Variants in MMP2 observed in about 807,000 individuals in gnomAD.
MMP2 encodes matrix metallopeptidase 2.
Under a neutral mutation model 74.8 loss-of-function variants are expected in MMP2, and 39 were observed. That is an observed-to-expected ratio of 0.52 (90% confidence interval 0.40 to 0.68). MMP2 has a LOEUF of 0.68. Among genes scored for constraint, MMP2 ranks in the 30% least tolerant of loss-of-function variants. MMP2 has a pLI of 0.00. For synonymous variants in MMP2, 367 were observed against 339.8 expected, an observed-to-expected ratio of 1.08 and a Z score of -0.88; for missense variants, 803 against 878.3, an observed-to-expected ratio of 0.91 and a Z score of 1.08.
chr16:55,496,708 G>A (rs1962535957), intron 9 of MMP2, among the ~76,000 whole-genome samples: 1 of 152,152 alleles, frequency 6.6e-6, no homozygotes, highest in Non-Finnish European at 1.5e-5. Context: ...GAGGTAGAGG[G>A]AGAGAACAGG....
intron 3 of MMP2, among the ~76,000 whole-genome samples, chr16:55,484,983 G>A (rs1962204909): frequency 6.6e-6 from 1 of 152,084 alleles, no homozygotes; most frequent in Non-Finnish European, 1.5e-5. Context: ...TGATGAAGAT[G>A]GGGTGAGGAC....
Position 55,489,531 on chromosome 16 carries a change from C to G in MMP2, c.1007-120C>G, listed in dbSNP as rs945811170. 1.9e-5 allele frequency: 23 copies of G among 1,232,498 alleles called. No individual in the cohort carries two copies. The African/African-American group carries it at 3.1e-4, about 17-fold the overall frequency. The allele number at this position is 1,232,498 out of a possible 1,614,324, so 76.3% of individuals were successfully genotyped here. On this transcript the variant is annotated intron_variant, in intron 6 of 12. Transcript: ENST00000219070. ...GGTGGGTGAGATGAGTCTAAAGATA[C>G]AGTGCCTGGGACTGAGTCTAACTTA... is the stretch of plus-strand genomic sequence containing the variant.
intron 1 of MMP2, chr16:55,481,525 C>A: frequency 3.6e-6 from 1 of 274,406 alleles, no homozygotes; most frequent in South Asian, 1.1e-4. Context: ...GAAATCAGTC[C>A]TACCAACCTC....
chr16:55,481,084 G>T (rs1962087192), intron 1 of MMP2, among the ~76,000 whole-genome samples: 1 of 152,170 alleles, frequency 6.6e-6, no homozygotes, highest in Admixed American at 6.5e-5. Flanking sequence ...AGCCAACAGA[G>T]TAAAGTGAAA....
intron 11 of MMP2, among the ~76,000 whole-genome samples, chr16:55,500,892 C>A (rs1196793660): frequency 6.6e-6 from 1 of 152,234 alleles, no homozygotes; most frequent in African/African-American, 2.4e-5. Context: ...CCAAGAAGAG[C>A]TCAGGCCCTG....
chr16:55,488,710 G>A lies in MMP2; in HGVS notation c.1000G>A (p.Glu334Lys). 1 of 1,597,786 alleles carries A rather than the reference G, an allele frequency of 6.3e-7. No individual in the cohort carries two copies. Among genetic ancestry groups the A allele is most frequent in the Non-Finnish European group, 8.5e-7 (1 of 1,173,364 alleles). The change falls in exon 6 of 13, where the codon GAG becomes AAG. Residue 334 changes from glutamate to lysine, a missense_variant. This residue lies in a region of MMP2 where 555 missense variants were observed against 592.0 expected (regional missense o/e 0.94). Coordinates refer to ENST00000219070, the MANE Select transcript of MMP2 (RefSeq NM_004530.6). ...CGACAAGAAGTATGGCTTCTGCCCT[G>A]AGACCGGTGGGTGCCACTCCCTCTC... The part of the protein sequence containing the change: ...DRDKKYGFCP[E>K]TAMSTVGGNS...
In MMP2 at chr16:55,506,411, C is replaced by G. The variant is rs1490484651; in HGVS notation, c.*969C>G. 5 of 152,196 alleles carry G rather than the reference C, an allele frequency of 3.3e-5. No individual in the cohort carries two copies. Among genetic ancestry groups the G allele is most frequent in the Non-Finnish European group, 5.9e-5 (4 of 68,032 alleles). The allele number at this position is 152,196 out of a possible 1,614,324, so 9.4% of individuals were successfully genotyped here. ...AAGAGAACCTCAGGGAGAGTAAGCT[C>G]TAGTCCCTCTGTCCTGTAGAAAGAG... On this transcript the variant is annotated 3_prime_UTR_variant, in exon 13 of 13. Coordinates refer to ENST00000219070, the MANE Select transcript of MMP2 (RefSeq NM_004530.6).
chr16:55,480,264 A>G (rs1376950623), intron 1 of MMP2, among the ~76,000 whole-genome samples: 2 of 152,144 alleles, frequency 1.3e-5, no homozygotes, highest in Non-Finnish European at 2.9e-5. Flanking sequence ...CCATTTGGGA[A>G]GTGATTGGGG....
chr16:55,492,390 A>G (rs1489079897), intron 8 of MMP2, among the ~76,000 whole-genome samples: 4 of 152,196 alleles, frequency 2.6e-5, no homozygotes, highest in Admixed American at 2.6e-4. Flanking sequence ...GATTTTTAGT[A>G]TGTAGTAGAA....
At chr16:55,495,213 C>T (rs979845874) in intron 9 of MMP2, among the ~76,000 whole-genome samples, 2 of 152,154 alleles carry the variant, frequency 1.3e-5, no homozygotes, top group African/African-American at 4.8e-5. Flanking sequence ...TCTGCAGTTC[C>T]CATTGTAAGG....
At chr16:55,483,452 A>G (rs1173021156) in intron 2 of MMP2, among the ~76,000 whole-genome samples, 2 of 151,834 alleles carry the variant, frequency 1.3e-5, no homozygotes, top group Non-Finnish European at 2.9e-5. Flanking sequence ...AACGGCTTCT[A>G]TGATTTTTGA....
intron 9 of MMP2, among the ~76,000 whole-genome samples, chr16:55,494,736 T>C (rs1203813696): frequency 6.6e-6 from 1 of 152,200 alleles, no homozygotes; most frequent in Non-Finnish European, 1.5e-5. Flanking sequence ...GTTTGAGAAA[T>C]AGGCATGGAG....
chr16:55,483,942 C>T, intron 2 of MMP2, 74 bp from the exon 3 acceptor site: 2 of 1,510,928 alleles, frequency 1.3e-6, no homozygotes, highest in Non-Finnish European at 1.8e-6. Flanking sequence ...TACATCTGTG[C>T]ACACACACAT....
rs1177313391 is a variant in MMP2, at chr16:55,496,431, C to G, written c.1473-495C>G. On this transcript the variant is annotated intron_variant, in intron 9 of 12. Coordinates refer to ENST00000219070, the MANE Select transcript of MMP2 (RefSeq NM_004530.6). Reference sequence around the variant, plus strand: ...TTAAAAGATTGTGGGGATTAAATTACAAGGCACATAAATAAAGCACATGGC... The same window carrying G: ...TTAAAAGATTGTGGGGATTAAATTAGAAGGCACATAAATAAAGCACATGGC... 3.2e-5 allele frequency among the ~76,000 whole-genome samples: 4 copies of G among 126,468 alleles called. No homozygotes were observed. In the Admixed American group the frequency reaches 3.4e-4, roughly 11 times the overall value. 83.0% of individuals were successfully genotyped at this position (126,468 alleles called of 152,430 possible).
chr16:55,501,779 G>T (rs1379143937), intron 11 of MMP2, among the ~76,000 whole-genome samples: 3 of 152,094 alleles, frequency 2.0e-5, no homozygotes, highest in African/African-American at 2.4e-5. Flanking sequence ...CCCCTAGGAG[G>T]CACTGTGGAG....
chr16:55,484,072 G>A lies in MMP2; in HGVS notation c.437G>A (p.Arg146His), dbSNP rs746613090. 1.5e-5 allele frequency: 24 copies of A among 1,614,004 alleles called. No homozygotes were observed. In the South Asian group the frequency reaches 1.5e-4, roughly 10 times the overall value. Residue 146 changes from arginine to histidine, a missense_variant, in exon 3 of 13, where the codon CGT becomes CAT. Around this residue, in one of 3 missense-constraint regions of MMP2, gnomAD observed 223 missense variants for 232.8 expected, o/e 0.96. Coordinates refer to ENST00000219070, the MANE Select transcript of MMP2 (RefSeq NM_004530.6). ...GAGACAGTGGATGATGCCTTTGCTC[G>A]TGCCTTCCAAGTCTGGAGCGATGTG... ...DPETVDDAFA[R>H]AFQVWSDVTP...
intron 11 of MMP2, among the ~76,000 whole-genome samples, chr16:55,501,130 T>C (rs913407273): frequency 6.6e-6 from 1 of 152,232 alleles, no homozygotes; most frequent in East Asian, 1.9e-4. Context: ...AGGTCACCTA[T>C]ATTTCTCAGT....
chr16:55,503,573 A>G (rs1247742765), intron 12 of MMP2, among the ~76,000 whole-genome samples: 3 of 151,820 alleles, frequency 2.0e-5, no homozygotes, highest in Admixed American at 6.6e-5. Flanking sequence ...AAGGTCTTAC[A>G]TGTCCAAGAA....
In MMP2 at chr16:55,491,665, C is replaced by T. The variant is rs1330741678; in HGVS notation, c.1181-136C>T. 11 of 1,003,188 alleles carry T rather than the reference C, an allele frequency of 1.1e-5. No homozygotes were observed. The Admixed American group carries it at 1.2e-4, about 11-fold the overall frequency. The allele number at this position is 1,003,188 out of a possible 1,614,324, so 62.1% of individuals were successfully genotyped here. ...ATTCTCAGGAAAAGAAAAAAAAAAT[C>T]AATACATGCCGCTTCCAGGGTTCTC... On this transcript the variant is annotated intron_variant, in intron 7 of 12. Transcript: ENST00000219070.
Sources: gnomAD v4.1 joint callset for allele counts (sites outside exome capture counted in the v4.1 genomes callset) on GRCh38, gnomAD v4.1.1 for gene constraint, gnomAD v4.1.1 regional missense constraint, MANE v1.5 for transcripts, NCBI Gene and HGNC (gene_info 2026-07-23, HGNC 2026-07-21) for gene names.